CDK18: variants seen among roughly 807,000 people sequenced by gnomAD.
CDK18 encodes the protein cyclin dependent kinase 18.
CDK18 carries 52 observed loss-of-function variants against 62.0 expected under a neutral mutation model. The ratio of observed to expected loss-of-function variants is 0.84; its 90% confidence interval spans 0.67 to 1.06. CDK18 has a LOEUF of 1.06. Ranked by LOEUF, CDK18 falls within the 50% of genes least tolerant of loss-of-function variation. The pLI is 0.00. For synonymous variants in CDK18, 237 were observed against 247.0 expected, an observed-to-expected ratio of 0.96 and a Z score of 0.38; for missense variants, 604 against 619.9, an observed-to-expected ratio of 0.97 and a Z score of 0.27.
chr1:205,508,801 A>G (rs1278352249), intron 1 of CDK18, among the ~76,000 whole-genome samples: 3 of 151,462 alleles, frequency 2.0e-5, no homozygotes, highest in African/African-American at 4.9e-5. Context: ...CCATGATTGC[A>G]TCACTGCACT....
In CDK18 at chr1:205,524,246, GCT is replaced by G. The variant is rs749356960; in HGVS notation, c.295_296del (p.Leu99AlafsTer108). On this transcript the variant is annotated frameshift_variant, in exon 4 of 16. Transcript: ENST00000429964. LOFTEE classifies it high-confidence loss of function. ...TGTCACCACAGGACGTCAGCAAGAG[GCT>G]CTCTCTGCCCATGGATATCCGCCTG... ...RFSMEDVSKR[L>X]SLPMDIRLPQ... 3.7e-6 allele frequency: 6 copies of G among 1,614,152 alleles called. No individual in the cohort carries two copies. The highest frequency in any genetic ancestry group is 4.2e-6 in the Non-Finnish European group (5 of 1,180,008).
At chr1:205,506,987 C>T (rs1221370998) in intron 1 of CDK18, among the ~76,000 whole-genome samples, 1 of 152,212 alleles carries the variant, frequency 6.6e-6, no homozygotes, top group African/African-American at 2.4e-5. Flanking sequence ...CCTCTACAGA[C>T]TCGGACTCTG....
chr1:205,523,016 A>G (rs1668213579), intron 1 of CDK18, 131 bp from the exon 2 acceptor site: 5 of 998,458 alleles, frequency 5.0e-6, no homozygotes, highest in Non-Finnish European at 4.4e-6. Flanking sequence ...CAGAAGACAC[A>G]ACCCTGGCTC....
intron 13 of CDK18, chr1:205,529,965 G>A (rs1668656353): frequency 7.2e-7 from 1 of 1,389,506 alleles, no homozygotes; most frequent in Non-Finnish European, 9.3e-7. Context: ...TGTTACGGAT[G>A]TTCTCCATCT....
intron 1 of CDK18, among the ~76,000 whole-genome samples, chr1:205,520,087 TGTG>T (rs1238218235): frequency 7.9e-5 from 12 of 151,786 alleles, no homozygotes; most frequent in African/African-American, 2.9e-4. Flanking sequence ...CATCAGTTGG[TGTG>T]GTGGAGATGC....
Position 205,531,564 on chromosome 1 carries a change from A to G in CDK18, c.*186A>G. On this transcript the variant is annotated 3_prime_UTR_variant, in exon 16 of 16. Transcript: ENST00000429964. ...TGTGCTTCCCGTGTGCCTCCCCAGTAGCCCTCACCTGCATACCAACCCCTC... is the reference window on the plus strand; with the variant it reads ...TGTGCTTCCCGTGTGCCTCCCCAGTGGCCCTCACCTGCATACCAACCCCTC... 1 of 621,664 alleles carries G rather than the reference A, an allele frequency of 1.6e-6. No homozygotes were observed. The highest frequency in any genetic ancestry group is 3.0e-6 in the Non-Finnish European group (1 of 337,600). 38.5% of individuals were successfully genotyped at this position (621,664 alleles called of 1,614,324 possible).
chr1:205,517,783 G>C lies in CDK18; in HGVS notation c.-21-5364G>C, dbSNP rs1667895637. Among the ~76,000 whole-genome samples, 1 of 151,904 alleles carries C rather than the reference G, an allele frequency of 6.6e-6. No homozygotes were observed. Among genetic ancestry groups the C allele is most frequent in the Admixed American group, 6.6e-5 (1 of 15,242 alleles). The stretch of plus-strand genomic sequence containing the variant: ...CCCCGCTGGTCCCAGCCACCATCAA[G>C]CTCTCTCCCCTGGGCCTCAGCAGCA... On this transcript the variant is annotated intron_variant, in intron 1 of 15. Coordinates refer to ENST00000429964, the MANE Select transcript of CDK18 (RefSeq NM_212502.3). This position sits in a 1 kb window ranked among gnomAD's most constrained non-coding sequence, Gnocchi z 4.1.
intron 1 of CDK18, among the ~76,000 whole-genome samples, chr1:205,510,448 G>C (rs988306429): frequency 6.6e-6 from 1 of 152,204 alleles, no homozygotes; most frequent in African/African-American, 2.4e-5. Flanking sequence ...ATGAGCCCAG[G>C]AAAGGGGTCA....
rs1301645569 is a variant in CDK18, at chr1:205,528,374, G to A, written c.974+206G>A. On this transcript the variant is annotated intron_variant, in intron 10 of 15. Coordinates refer to ENST00000429964, the MANE Select transcript of CDK18 (RefSeq NM_212502.3). This position sits in a 1 kb window ranked among gnomAD's most constrained non-coding sequence, Gnocchi z 4.2. ...TTCCCTGGCTTAAATAGACCCCCAA[G>A]CCTGTGCATTTGAAATCCTCCCCCA... Among the ~76,000 whole-genome samples, 2 of 152,104 alleles carry A rather than the reference G, an allele frequency of 1.3e-5. No individual in the cohort carries two copies. Among genetic ancestry groups the A allele is most frequent in the Non-Finnish European group, 1.5e-5 (1 of 67,996 alleles).
At chr1:205,523,336 C>T in intron 2 of CDK18, 39 bp downstream of exon 2, 1 of 1,613,006 alleles carries the variant, frequency 6.2e-7, no homozygotes, top group African/African-American at 1.3e-5. Flanking sequence ...CTCCCACCTA[C>T]CAGACACTCC....
intron 1 of CDK18, among the ~76,000 whole-genome samples, chr1:205,507,961 A>G (rs1023184126): frequency 2.6e-5 from 4 of 152,194 alleles, no homozygotes; most frequent in Admixed American, 1.3e-4. Flanking sequence ...ACCTTCTGGC[A>G]GTTATGAATG....
rs34027094 is a variant in CDK18, at chr1:205,515,173, A to ATTTTTT, written c.-21-7958_-21-7953dup. On this transcript the variant is annotated intron_variant, in intron 1 of 15. Coordinates refer to ENST00000429964, the MANE Select transcript of CDK18 (RefSeq NM_212502.3). Reference sequence around the variant, plus strand: ...CTGAAGGCAGTGTTAGCTTTGAAGGATTTTTTTTTTTTTTTTTTTTTGAGA... The same window carrying ATTTTTT: ...CTGAAGGCAGTGTTAGCTTTGAAGGATTTTTTTTTTTTTTTTTTTTTTTTTTTGAGA... 7.7e-4 allele frequency among the ~76,000 whole-genome samples: 91 copies of ATTTTTT among 117,752 alleles called. 1 individual carries two copies. The highest frequency in any genetic ancestry group is 5.1e-3 in the Middle Eastern group (1 of 196). 77.2% of individuals were successfully genotyped at this position (117,752 alleles called of 152,430 possible).
At chr1:205,519,005 G>C (rs763555635) in intron 1 of CDK18, among the ~76,000 whole-genome samples, 13 of 152,106 alleles carry the variant, frequency 8.5e-5, no homozygotes, top group Non-Finnish European at 1.6e-4. Context: ...CCCCACTGCC[G>C]GGCCAGTATC....
chr1:205,527,176 C>T lies in CDK18; in HGVS notation c.729+339C>T. ...AAGCTCGGGGTTATGAATGACCTCT[C>T]CTGGTGTTTGTTAAAGAATCAAGGC... On this transcript the variant is annotated intron_variant, in intron 8 of 15. Transcript: ENST00000429964. The surrounding 1 kb of genome is among the most constrained non-coding windows in gnomAD (Gnocchi z 4.1). The T allele has an allele frequency of 3.2e-6, 1 of 314,226 alleles. No individual in the cohort carries two copies. The allele number at this position is 314,226 out of a possible 1,614,324, so 19.5% of individuals were successfully genotyped here. A position where few individuals can be genotyped will look rare whatever the true frequency, so the allele number is the denominator to read the frequency against.
Position 205,527,069 on chromosome 1 carries a change from A to G in CDK18, c.729+232A>G. The G allele has an allele frequency of 7.6e-6, 4 of 526,994 alleles. 1 individual carries two copies. The South Asian group carries it at 8.7e-5, about 12-fold the overall frequency. The allele number at this position is 526,994 out of a possible 1,614,324, so 32.6% of individuals were successfully genotyped here. A position where few individuals can be genotyped will look rare whatever the true frequency, so the allele number is the denominator to read the frequency against. ...CTGTCTAGCTGTTGGTATAAAACCC[A>G]CTCTCAACTCTGAACATCAGTTTCC... is the stretch of plus-strand genomic sequence containing the variant. On this transcript the variant is annotated intron_variant, in intron 8 of 15. Transcript: ENST00000429964. The surrounding 1 kb of genome is among the most constrained non-coding windows in gnomAD (Gnocchi z 4.1).
chr1:205,527,644 G>A lies in CDK18; in HGVS notation c.730-150G>A. The A allele has an allele frequency of 1.4e-6, 1 of 727,914 alleles. No homozygotes were observed. The highest frequency in any genetic ancestry group is 1.8e-5 in the South Asian group (1 of 56,988). The allele number at this position is 727,914 out of a possible 1,614,324, so 45.1% of individuals were successfully genotyped here. On this transcript the variant is annotated intron_variant, in intron 8 of 15. Coordinates refer to ENST00000429964, the MANE Select transcript of CDK18 (RefSeq NM_212502.3). The surrounding 1 kb of genome is among the most constrained non-coding windows in gnomAD (Gnocchi z 4.1). ...CTGGATGGGATTCCCTGGTGTGGGT[G>A]GGGTCCAGGATGGGGGCTGCAGGGT... is the stretch of plus-strand genomic sequence containing the variant.
At chr1:205,524,154 AGT>A (rs1668293737) in intron 3 of CDK18, 76 bp from the exon 4 acceptor site, 1 of 1,545,670 alleles carries the variant, frequency 6.5e-7, no homozygotes, top group Non-Finnish European at 8.9e-7. Flanking sequence ...CTAGGTCCAG[AGT>A]GAAAGTCTGG....
rs960503920 is a variant in CDK18 at position 205,526,190 on chromosome 1, C to G, written c.571+11C>G. ...CTGCCATCCGAGAGGGTACAGCATC[C>G]TAGGCTCCCACGCTCCCCTGGGGGC... On this transcript the variant is annotated intron_variant, in intron 6 of 15. Coordinates refer to ENST00000429964, the MANE Select transcript of CDK18 (RefSeq NM_212502.3). 9 of 1,608,012 alleles carry G rather than the reference C, an allele frequency of 5.6e-6. No homozygotes were observed. Among genetic ancestry groups the G allele is most frequent in the Non-Finnish European group, 6.8e-6 (8 of 1,174,950 alleles).
At chr1:205,522,360 C>T (rs1668174763) in intron 1 of CDK18, 1 of 152,092 alleles carries the variant, frequency 6.6e-6, no homozygotes, top group Non-Finnish European at 1.5e-5. Flanking sequence ...AAGAGGCCTG[C>T]AGGGATCAAG....
Sources: allele counts gnomAD v4.1 joint callset (sites outside exome capture counted in the v4.1 genomes callset), GRCh38; gene constraint gnomAD v4.1.1; non-coding constraint Gnocchi (gnomAD v3.1); transcripts MANE v1.5; gene names NCBI Gene and HGNC (gene_info 2026-07-23, HGNC 2026-07-21).